CDK14: variants seen among roughly 807,000 people sequenced by gnomAD.
CDK14 encodes the protein cyclin dependent kinase 14.
CDK14 carries 34 observed loss-of-function variants against 60.7 expected under a neutral mutation model. The observed-to-expected ratio is 0.56, with a 90% CI of 0.43 to 0.75. CDK14 has a LOEUF of 0.75. Ranked by LOEUF, CDK14 falls within the 30% of genes least tolerant of loss-of-function variation. CDK14 has a pLI of 0.00. For missense variants in CDK14, 482 were observed against 564.1 expected, an observed-to-expected ratio of 0.85 and a Z score of 1.47; for synonymous variants, 197 against 203.7, an observed-to-expected ratio of 0.97 and a Z score of 0.28.
chr7:90,667,752 T>C (rs1584780998), intron 2 of CDK14, among the ~76,000 whole-genome samples: 1 of 152,012 alleles, frequency 6.6e-6, no homozygotes, highest in Non-Finnish European at 1.5e-5. Context: ...TGTATTTTTA[T>C]TGGAGACGGG....
At chr7:90,780,415 T>A (rs1264659173) in intron 4 of CDK14, among the ~76,000 whole-genome samples, 1 of 151,394 alleles carries the variant, frequency 6.6e-6, no homozygotes. Flanking sequence ...TATTTATTTT[T>A]ATTTTTATTT....
chr7:90,788,250 G>A (rs1462668692), intron 4 of CDK14, among the ~76,000 whole-genome samples: 4 of 152,188 alleles, frequency 2.6e-5, no homozygotes, highest in African/African-American at 9.7e-5. Context: ...CAGGGAGCCA[G>A]TGATGAGCTC....
At chr7:90,693,273 A>C (rs1033080997) in intron 2 of CDK14, among the ~76,000 whole-genome samples, 1 of 152,168 alleles carries the variant, frequency 6.6e-6, no homozygotes, top group East Asian at 1.9e-4. Context: ...CTTCATACTT[A>C]AATATTTATT....
intron 12 of CDK14, among the ~76,000 whole-genome samples, chr7:91,094,680 AC>A (rs1798929217): frequency 6.6e-6 from 1 of 152,202 alleles, no homozygotes; most frequent in Non-Finnish European, 1.5e-5. Context: ...CAGGGCTGAG[AC>A]TAGAGTGAGG....
intron 7 of CDK14, among the ~76,000 whole-genome samples, chr7:90,913,383 G>A (rs1488694227): frequency 6.6e-6 from 1 of 152,084 alleles, no homozygotes; most frequent in Non-Finnish European, 1.5e-5. Flanking sequence ...TGTAAATGTA[G>A]GGATCAAGGG....
At chr7:90,822,693 C>T (rs557946180) in intron 5 of CDK14, among the ~76,000 whole-genome samples, 2 of 152,292 alleles carry the variant, frequency 1.3e-5, no homozygotes, top group Admixed American at 6.5e-5. Context: ...ACTACATTTA[C>T]ATACAATAAA....
chr7:90,834,060 A>G (rs979969121), intron 5 of CDK14, among the ~76,000 whole-genome samples: 7 of 152,306 alleles, frequency 4.6e-5, no homozygotes, highest in Middle Eastern at 3.4e-3. Flanking sequence ...TAAATAAATT[A>G]TTAGCTCTTG....
chr7:91,190,635 A>G (rs1802330902), intron 14 of CDK14, among the ~76,000 whole-genome samples: 1 of 152,108 alleles, frequency 6.6e-6, no homozygotes, highest in South Asian at 2.1e-4. Context: ...TACTACAGGC[A>G]TGCACCACCA....
chr7:90,729,344 GTTTTTTTTTT>G (rs1237046149), intron 3 of CDK14, among the ~76,000 whole-genome samples: 1,883 of 45,264 alleles, frequency 0.042, 60 homozygotes, highest in Middle Eastern at 0.1. Context: ...AGGTATCAAG[GTTTTTTTTTT>G]TTTTTTTTTT....
intron 2 of CDK14, among the ~76,000 whole-genome samples, chr7:90,664,466 G>A (rs1584778608): frequency 6.6e-6 from 1 of 152,152 alleles, no homozygotes; most frequent in South Asian, 2.1e-4. Flanking sequence ...TATAAATCAT[G>A]CTGCCATAAA....
At chr7:91,080,288 A>G (rs1348330694) in intron 12 of CDK14, among the ~76,000 whole-genome samples, 1 of 152,188 alleles carries the variant, frequency 6.6e-6, no homozygotes, top group African/African-American at 2.4e-5. Context: ...AGTTATGAAA[A>G]AAATAACAAA....
intron 2 of CDK14, among the ~76,000 whole-genome samples, chr7:90,720,982 A>G (rs577381856): frequency 2.0e-4 from 31 of 152,278 alleles, no homozygotes; most frequent in Admixed American, 7.2e-4. Flanking sequence ...TAAATTTCAT[A>G]TGTATTATTA....
chr7:90,768,925 C>T (rs922291104), intron 4 of CDK14, among the ~76,000 whole-genome samples: 16 of 152,082 alleles, frequency 1.1e-4, no homozygotes, highest in African/African-American at 1.9e-4. Flanking sequence ...TTTATAGTGT[C>T]GATTTTTGAT....
intron 8 of CDK14, among the ~76,000 whole-genome samples, chr7:90,936,451 G>T (rs1254616652): frequency 6.6e-6 from 1 of 152,134 alleles, no homozygotes; most frequent in Non-Finnish European, 1.5e-5. Context: ...TTCATAAAAT[G>T]TACTACTAAG....
At chr7:91,165,187 A>G (rs1801308718) in intron 14 of CDK14, among the ~76,000 whole-genome samples, 1 of 152,226 alleles carries the variant, frequency 6.6e-6, no homozygotes, top group African/African-American at 2.4e-5. Flanking sequence ...AGTAACTAAC[A>G]TTCAGTTTCC....
At chr7:91,094,557 G>A (rs147084702) in intron 12 of CDK14, among the ~76,000 whole-genome samples, 38 of 152,126 alleles carry the variant, frequency 2.5e-4, no homozygotes, top group African/African-American at 8.9e-4. Context: ...TTGTTTTCCT[G>A]GTAGGAGCAT....
rs201534636 is a variant in CDK14, at chr7:90,642,524, G to GT, written c.123+38284dup. 3.9e-3 allele frequency among the ~76,000 whole-genome samples: 587 copies of GT among 151,512 alleles called. 7 individuals are homozygous for GT. Among genetic ancestry groups the GT allele is most frequent in the African/African-American group, 0.013 (552 of 41,394 alleles). Reference sequence around the variant, plus strand: ...CAGAAAAAATGAATAGATAGCAAGAGTTTTTTTTTAATTAAATTTTTATTT... The same window carrying GT: ...CAGAAAAAATGAATAGATAGCAAGAGTTTTTTTTTTAATTAAATTTTTATTT... On this transcript the variant is annotated intron_variant, in intron 2 of 14. Transcript: ENST00000380050.
intron 7 of CDK14, among the ~76,000 whole-genome samples, chr7:90,906,321 C>G (rs1792699235): frequency 6.6e-6 from 1 of 151,964 alleles, no homozygotes; most frequent in Admixed American, 6.6e-5. Context: ...TGTAATAGTT[C>G]TTTATAAATT....
intron 2 of CDK14, among the ~76,000 whole-genome samples, chr7:90,686,204 C>T (rs1349227248): frequency 1.3e-5 from 2 of 152,048 alleles, no homozygotes; most frequent in East Asian, 3.8e-4. Context: ...TTTTAGTTTT[C>T]TAGACGTTAG....
Sources: allele counts gnomAD v4.1 joint callset (sites outside exome capture counted in the v4.1 genomes callset), GRCh38; gene constraint gnomAD v4.1.1; transcripts MANE v1.5; gene names NCBI Gene and HGNC (gene_info 2026-07-23, HGNC 2026-07-21).